SYNE3: variants seen among roughly 807,000 people sequenced by gnomAD.
SYNE3 encodes nesprin-3.
Under a neutral mutation model 111.2 loss-of-function variants are expected in SYNE3, and 100 were observed. That is an observed-to-expected ratio of 0.90 (90% CI 0.77 to 1.06). The LOEUF (loss-of-function observed/expected upper bound fraction) is 1.06. SYNE3 is among the 50% of genes least tolerant of loss of function. SYNE3 has a pLI of 0.00. For missense variants in SYNE3, 1,160 were observed against 1,240.3 expected (o/e 0.94, Z 0.97); for synonymous variants, 547 against 533.9 (o/e 1.02, Z -0.34).
intron 1 of SYNE3, among the ~76,000 whole-genome samples, chr14:95,511,691 GGA>G (rs1890726073): frequency 6.6e-6 from 1 of 151,808 alleles, no homozygotes; most frequent in Non-Finnish European, 1.5e-5. Context: ...CTCCAGCCTG[GGA>G]GACAGAGCAA....
At chr14:95,493,450 G>A (rs1889940954) in intron 1 of SYNE3, among the ~76,000 whole-genome samples, 1 of 152,258 alleles carries the variant, frequency 6.6e-6, no homozygotes, top group Non-Finnish European at 1.5e-5. Context: ...GAACCTAGGT[G>A]TATTGAACTC....
chr14:95,477,404 T>C (rs557225351), intron 1 of SYNE3, among the ~76,000 whole-genome samples: 1 of 152,338 alleles, frequency 6.6e-6, no homozygotes, highest in South Asian at 2.1e-4. Context: ...AGTTTGTTTT[T>C]TTTTCCCTTA....
intron 17 of SYNE3, among the ~76,000 whole-genome samples, chr14:95,418,589 C>T (rs1884889598): frequency 6.6e-6 from 1 of 152,010 alleles, no homozygotes; most frequent in African/African-American, 2.4e-5. Context: ...TTTCCTCCCC[C>T]TCTTCCTTTT....
chr14:95,497,050 A>G (rs777934802), intron 1 of SYNE3, among the ~76,000 whole-genome samples: 71 of 152,206 alleles, frequency 4.7e-4, no homozygotes, highest in Non-Finnish European at 8.8e-5. Flanking sequence ...CCCGAGCTGG[A>G]AGATTAGGGC....
rs1164705730 is a variant in SYNE3 at position 95,500,756 on chromosome 14, C to T, written c.-15+15840G>A. 6.6e-6 allele frequency among the ~76,000 whole-genome samples: 1 copy of T among 152,286 alleles called. No homozygotes were observed. Among genetic ancestry groups the T allele is most frequent in the East Asian group, 1.9e-4 (1 of 5,170 alleles). On this transcript the variant is annotated intron_variant, in intron 1 of 17. Coordinates refer to ENST00000682763, the MANE Select transcript of SYNE3 (RefSeq NM_152592.6). This position sits in a 1 kb window ranked among gnomAD's most constrained non-coding sequence, Gnocchi z 4.7. Reference sequence around the variant, plus strand: ...AGGACCCTGGGTTGTCCCCAGCAGCCCCATAGCAGAGTCACTGACCCTTCC... The same window carrying T: ...AGGACCCTGGGTTGTCCCCAGCAGCTCCATAGCAGAGTCACTGACCCTTCC...
At chr14:95,515,486 C>T (rs61156270) in intron 1 of SYNE3, among the ~76,000 whole-genome samples, 4,026 of 152,272 alleles carry the variant, frequency 0.026, 181 homozygotes, top group African/African-American at 0.092. Flanking sequence ...ATCACTCCCC[C>T]TCTCTGGGCC....
chr14:95,457,296 C>G lies in SYNE3; in HGVS notation c.670G>C (p.Glu224Gln). ...LLEQVAREHE[E>Q]YQAGVDEFQL... is the part of the protein sequence containing the mutation. Reference sequence around the variant, plus strand: ...AACTCGTCCACACCTGCCTGGTACTCCTCATGCTCCCGGGCCACCTGCTCC... The same window carrying G: ...AACTCGTCCACACCTGCCTGGTACTGCTCATGCTCCCGGGCCACCTGCTCC... The change falls in exon 5 of 18, where the codon GAG (glutamate) becomes CAG (glutamine). Residue 224 changes from glutamate to glutamine, a missense_variant. Glu to Gln is a conservative substitution (Grantham distance 29). Coordinates refer to ENST00000682763, the MANE Select transcript of SYNE3 (RefSeq NM_152592.6). 6.2e-7 allele frequency: 1 copy of G among 1,614,084 alleles called. No homozygotes were observed. The highest frequency in any genetic ancestry group is 8.5e-7 in the Non-Finnish European group (1 of 1,179,996).
In SYNE3 at chr14:95,414,674, C is replaced by T. The variant is rs1273371055; in HGVS notation, c.*3152G>A. On this transcript the variant is annotated 3_prime_UTR_variant, in exon 18 of 18. Transcript: ENST00000682763. ...TTTCTCCCTCCTCTCCTTCCCTCCT[C>T]TCTCTCTCTCTGACACACACACACA... 4 of 142,482 alleles carry T rather than the reference C, an allele frequency of 2.8e-5. No homozygotes were observed. In the Admixed American group the frequency reaches 2.9e-4, roughly 10 times the overall value. 8.8% of individuals were successfully genotyped at this position (142,482 alleles called of 1,614,324 possible).
At chr14:95,461,726 C>T (rs753333655) in intron 4 of SYNE3, among the ~76,000 whole-genome samples, 23 of 152,254 alleles carry the variant, frequency 1.5e-4, no homozygotes, top group Admixed American at 7.8e-4. Context: ...GGCCAGGCCT[C>T]GACCCCCAGG....
At chr14:95,457,995 G>A (rs1179314336) in intron 4 of SYNE3, among the ~76,000 whole-genome samples, 4 of 152,202 alleles carry the variant, frequency 2.6e-5, no homozygotes, top group South Asian at 4.1e-4. Flanking sequence ...GATGTGTGTT[G>A]CATGGGTTGG....
intron 1 of SYNE3, among the ~76,000 whole-genome samples, chr14:95,515,906 C>T (rs573143535): frequency 1.3e-4 from 20 of 152,298 alleles, no homozygotes; most frequent in Admixed American, 1.1e-3. Flanking sequence ...ACCAATGGGC[C>T]ACATCAATGG....
rs1353606685 is a variant in SYNE3 at position 95,414,977 on chromosome 14, T to C, written c.*2849A>G. 6.6e-6 allele frequency: 1 copy of C among 152,192 alleles called. No individual in the cohort carries two copies. Among genetic ancestry groups the C allele is most frequent in the Non-Finnish European group, 1.5e-5 (1 of 68,028 alleles). 9.4% of individuals were successfully genotyped at this position (152,192 alleles called of 1,614,324 possible). ...CAAACAAACAGACTTGATGGCATCA[T>C]TATCAAAATTTAAAAAATATAGGTA... On this transcript the variant is annotated 3_prime_UTR_variant, in exon 18 of 18. Transcript: ENST00000682763.
Position 95,457,166 on chromosome 14 carries a change from C to T in SYNE3, c.789+11G>A, listed in dbSNP as rs553840182. ...TAGGGTCCCTCTGGTTGAGACACAG[C>T]TGGGGATTACCTGCAGTGTGGAGAG... On this transcript the variant is annotated intron_variant, in intron 5 of 17. Coordinates refer to ENST00000682763, the MANE Select transcript of SYNE3 (RefSeq NM_152592.6). The T allele has an allele frequency of 6.2e-7, 1 of 1,612,332 alleles. No individual in the cohort carries two copies. Among genetic ancestry groups the T allele is most frequent in the East Asian group, 2.2e-5 (1 of 44,842 alleles).
chr14:95,462,945 C>T lies in SYNE3; in HGVS notation c.627+2986G>A, dbSNP rs142219601. Among the ~76,000 whole-genome samples the T allele has an allele frequency of 3.4e-3, 513 of 152,204 alleles. 7 individuals carry two copies. The highest frequency in any genetic ancestry group is 0.012 in the African/African-American group (482 of 41,522). On this transcript the variant is annotated intron_variant, in intron 4 of 17. Coordinates refer to ENST00000682763, the MANE Select transcript of SYNE3 (RefSeq NM_152592.6). ...GAGGCCAAGGCGGATCACCTGAGGT[C>T]GGGAGTTTGAGACCAGCCTGACCAA...
Position 95,409,085 on chromosome 14 carries a change from G to A in SYNE3, c.*8741C>T. ...CCTCCAGCTAACTCACCAGCTGCCA[G>A]AGTGGCAGCAGCCCGCGGCCTGCAA... On this transcript the variant is annotated 3_prime_UTR_variant, in exon 18 of 18. Transcript: ENST00000682763. 1 of 446,874 alleles carries A rather than the reference G, an allele frequency of 2.2e-6. No homozygotes were observed. The highest frequency in any genetic ancestry group is 4.6e-6 in the Non-Finnish European group (1 of 219,500). The allele number at this position is 446,874 out of a possible 1,614,324, so 27.7% of individuals were successfully genotyped here. A position where few individuals can be genotyped will look rare whatever the true frequency, so the allele number is the denominator to read the frequency against.
rs59220960 is a variant in SYNE3, at chr14:95,415,276, G to GCCCCCCCCCCCCCCCCCCCCCCCCCCCC, written c.*2549_*2550insGGGGGGGGGGGGGGGGGGGGGGGGGGGG. 39 of 139,630 alleles carry GCCCCCCCCCCCCCCCCCCCCCCCCCCCC rather than the reference G, an allele frequency of 2.8e-4. No homozygotes were observed. The highest frequency in any genetic ancestry group is 1.0e-3 in the Admixed American group (14 of 13,674). The allele number at this position is 139,630 out of a possible 1,614,324, so 8.6% of individuals were successfully genotyped here. The stretch of plus-strand genomic sequence containing the variant: ...CATAGGAAAGTGGACACCTGGCAAG[G>GCCCCCCCCCCCCCCCCCCCCCCCCCCCC]CCCCCCCACCCACCCACCCTGCCAC... On this transcript the variant is annotated 3_prime_UTR_variant, in exon 18 of 18. Coordinates refer to ENST00000682763, the MANE Select transcript of SYNE3 (RefSeq NM_152592.6).
Position 95,461,771 on chromosome 14 carries a change from C to T in SYNE3, c.627+4160G>A, listed in dbSNP as rs537858652. Among the ~76,000 whole-genome samples the T allele has an allele frequency of 1.3e-4, 20 of 152,370 alleles. No homozygotes were observed. In the South Asian group the frequency reaches 3.9e-3, roughly 30 times the overall value. On this transcript the variant is annotated intron_variant, in intron 4 of 17. Coordinates refer to ENST00000682763, the MANE Select transcript of SYNE3 (RefSeq NM_152592.6). ...GGACAGAACCATCGCTGGAGTCAGA[C>T]GACTGCCCCAAGAGAGACCTTTTAT...
At chr14:95,437,111 T>C in intron 14 of SYNE3, 130 bp from the exon 15 acceptor site, 1 of 1,023,258 alleles carries the variant, frequency 9.8e-7, no homozygotes, top group South Asian at 1.6e-5. Flanking sequence ...GGGAGAGGCC[T>C]GGGGGATGAA....
At position 95,452,330 on chromosome 14, in the gene SYNE3, G is replaced by T. The variant is rs562340173; in HGVS notation, c.1191C>A (p.Ala397=). 1 of 1,613,896 alleles carries T rather than the reference G, an allele frequency of 6.2e-7. No individual in the cohort carries two copies. Among genetic ancestry groups the T allele is most frequent in the East Asian group, 2.2e-5 (1 of 44,880 alleles). The change falls in exon 7 of 18, where the codon GCC becomes GCA. Residue 397 remains alanine, a synonymous_variant. Transcript: ENST00000682763. ...SEEPRVDRLQ[A]QLKELIVFPH... ...GGAAGACGATGAGCTCCTTCAGCTG[G>T]GCTTGCAGCCGGTCCACCCGGGGCT...
Sources: gnomAD v4.1 joint callset for allele counts (sites outside exome capture counted in the v4.1 genomes callset) on GRCh38, gnomAD v4.1.1 for gene constraint, Gnocchi (gnomAD v3.1) non-coding constraint, MANE v1.5 for transcripts, NCBI Gene and HGNC (gene_info 2026-07-23, HGNC 2026-07-21) for gene names.